Variants in PDE4B observed in about 807,000 individuals in gnomAD.
PDE4B encodes the protein 3',5'-cyclic-AMP phosphodiesterase 4B.
Under a neutral mutation model 82.2 loss-of-function variants are expected in PDE4B, and 20 were observed. The observed-to-expected ratio is 0.24, with a 90% CI of 0.17 to 0.35. PDE4B has a LOEUF of 0.35. PDE4B is among the 10% of genes least tolerant of loss of function. The pLI is 1.00. For synonymous variants in PDE4B, 320 were observed against 318.9 expected, an observed-to-expected ratio of 1.00 and a Z score of -0.04; for missense variants, 655 against 907.2, an observed-to-expected ratio of 0.72 and a Z score of 3.57.
chr1:65,960,427 T>G (rs1030065812), intron 3 of PDE4B, among the ~76,000 whole-genome samples: 1 of 152,118 alleles, frequency 6.6e-6, no homozygotes, highest in Non-Finnish European at 1.5e-5. Flanking sequence ...TGTCTGTGAT[T>G]GCTGAGGTTG....
At chr1:66,328,014 A>G (rs1659854791) in intron 7 of PDE4B, among the ~76,000 whole-genome samples, 1 of 152,262 alleles carries the variant, frequency 6.6e-6, no homozygotes, top group Non-Finnish European at 1.5e-5. Context: ...CTTAAGGTAA[A>G]TAAGATAATC....
At chr1:66,266,304 G>A (rs1484163411) in intron 7 of PDE4B, 1 of 579,500 alleles carries the variant, frequency 1.7e-6, no homozygotes, top group Non-Finnish European at 3.1e-6. Flanking sequence ...CATTGTATGT[G>A]CAGGCTTTCA....
chr1:66,195,702 G>T (rs548013164), intron 3 of PDE4B, among the ~76,000 whole-genome samples: 1 of 152,244 alleles, frequency 6.6e-6, no homozygotes, highest in East Asian at 1.9e-4. Context: ...TCCTGGCACT[G>T]TTGGGTTCTT....
chr1:66,041,028 A>G (rs1654339396), intron 3 of PDE4B, among the ~76,000 whole-genome samples: 2 of 151,980 alleles, frequency 1.3e-5, no homozygotes, highest in African/African-American at 4.8e-5. Flanking sequence ...GGAAGTGGAT[A>G]GCAGCTGGGC....
intron 3 of PDE4B, among the ~76,000 whole-genome samples, chr1:66,077,065 G>A (rs1452985578): frequency 6.6e-6 from 1 of 151,986 alleles, no homozygotes; most frequent in African/African-American, 2.4e-5. Flanking sequence ...TGATTTTGAG[G>A]ACTTAGCGTA....
intron 1 of PDE4B, among the ~76,000 whole-genome samples, chr1:65,870,706 T>G (rs1031421941): frequency 2.0e-5 from 3 of 152,156 alleles, no homozygotes; most frequent in South Asian, 2.1e-4. Flanking sequence ...CCATGTGCAT[T>G]GGATCCTTTA....
At chr1:66,290,232 G>T (rs1001458771) in intron 7 of PDE4B, among the ~76,000 whole-genome samples, 1 of 152,140 alleles carries the variant, frequency 6.6e-6, no homozygotes, top group African/African-American at 2.4e-5. Flanking sequence ...GCAGGTTGAG[G>T]TGTTGGCCTT....
At chr1:66,316,803 AAG>A (rs1328361682) in intron 7 of PDE4B, among the ~76,000 whole-genome samples, 2 of 152,240 alleles carry the variant, frequency 1.3e-5, no homozygotes, top group African/African-American at 4.8e-5. Context: ...AGAATTCAGT[AAG>A]AGTCTTCAGA....
chr1:66,110,651 G>C (rs146030915), intron 3 of PDE4B, among the ~76,000 whole-genome samples: 15 of 152,134 alleles, frequency 9.9e-5, no homozygotes, highest in African/African-American at 3.6e-4. Flanking sequence ...GGTAAACTTG[G>C]GAATGTTATT....
At chr1:66,087,995 G>A (rs748146638) in intron 3 of PDE4B, among the ~76,000 whole-genome samples, 5 of 151,760 alleles carry the variant, frequency 3.3e-5, no homozygotes, top group Non-Finnish European at 5.9e-5. Flanking sequence ...TTGTGCACAT[G>A]TACCCTAAAA....
chr1:65,962,700 G>A (rs1176437053), intron 3 of PDE4B, among the ~76,000 whole-genome samples: 1 of 152,154 alleles, frequency 6.6e-6, no homozygotes, highest in East Asian at 1.9e-4. Flanking sequence ...AAACCTCGGA[G>A]AGAAATGGAG....
intron 3 of PDE4B, among the ~76,000 whole-genome samples, chr1:66,118,887 A>G (rs565971628): frequency 1.3e-5 from 2 of 150,456 alleles, no homozygotes; most frequent in South Asian, 4.3e-4. Context: ...GAATTCCTAA[A>G]CCTTTTTTTT....
chr1:66,243,410 C>T (rs1653044027), intron 3 of PDE4B, among the ~76,000 whole-genome samples: 1 of 152,096 alleles, frequency 6.6e-6, no homozygotes, highest in African/African-American at 2.4e-5. Context: ...ATGAGTAATA[C>T]TTAGTAATAC....
rs550505369 is a variant in PDE4B, at chr1:66,167,393, A to G, written c.282-80067A>G. On this transcript the variant is annotated intron_variant, in intron 3 of 16. Transcript: ENST00000341517. ...GCAATAAAGTACTGATATATGCTACAAAATGAATGAATTTTTAAAACTTTA... is the reference window on the plus strand; with the variant it reads ...GCAATAAAGTACTGATATATGCTACGAAATGAATGAATTTTTAAAACTTTA... Among the ~76,000 whole-genome samples the G allele has an allele frequency of 6.2e-4, 94 of 152,352 alleles. 1 individual carries two copies. The South Asian group carries it at 0.019, about 31-fold the overall frequency.
chr1:65,932,973 A>G (rs1647920888), intron 3 of PDE4B, among the ~76,000 whole-genome samples: 1 of 152,192 alleles, frequency 6.6e-6, no homozygotes, highest in Non-Finnish European at 1.5e-5. Context: ...AAGTGGACCA[A>G]TGTGCACATT....
At chr1:65,937,954 A>G (rs1420380773) in intron 3 of PDE4B, among the ~76,000 whole-genome samples, 1 of 152,192 alleles carries the variant, frequency 6.6e-6, no homozygotes, top group Non-Finnish European at 1.5e-5. Flanking sequence ...TTTAAACTCA[A>G]CTCCATAAGA....
chr1:65,847,978 C>T (rs1376682623), intron 1 of PDE4B, among the ~76,000 whole-genome samples: 1 of 148,116 alleles, frequency 6.8e-6, no homozygotes, highest in South Asian at 2.1e-4. Context: ...TCAGCTTTAT[C>T]AGTACAATAA....
At chr1:65,859,169 G>C (rs1326733000) in intron 1 of PDE4B, among the ~76,000 whole-genome samples, 1 of 151,878 alleles carries the variant, frequency 6.6e-6, no homozygotes, top group African/African-American at 2.4e-5. Context: ...GGTTATCCAT[G>C]AGTACAGTAA....
intron 3 of PDE4B, among the ~76,000 whole-genome samples, chr1:66,094,794 G>C (rs1475945709): frequency 1.3e-5 from 2 of 151,892 alleles, no homozygotes; most frequent in African/African-American, 4.8e-5. Context: ...CTAAATGCTT[G>C]ACTCATATTA....
Sources: allele counts gnomAD v4.1 joint callset (sites outside exome capture counted in the v4.1 genomes callset), GRCh38; gene constraint gnomAD v4.1.1; transcripts MANE v1.5; gene names NCBI Gene and HGNC (gene_info 2026-07-23, HGNC 2026-07-21).